RTN3: variants seen among roughly 807,000 people sequenced by gnomAD.
RTN3 encodes reticulon-3.
A neutral mutation model predicts 77.8 loss-of-function variants in RTN3; 49 were observed. That is an observed-to-expected ratio of 0.63 (90% confidence interval 0.50 to 0.80). The LOEUF (loss-of-function observed/expected upper bound fraction) is 0.80, where lower values mean the gene tolerates loss of function less well. RTN3 is among the 30% of genes least tolerant of loss of function. RTN3 has a pLI of 0.00. For synonymous variants in RTN3, 464 were observed against 446.9 expected, an observed-to-expected ratio of 1.04 and a Z score of -0.48; for missense variants, 1,236 against 1,211.9, an observed-to-expected ratio of 1.02 and a Z score of -0.29.
intron 3 of RTN3, among the ~76,000 whole-genome samples, chr11:63,736,804 C>T (rs554937847): frequency 5.3e-5 from 8 of 152,174 alleles, no homozygotes; most frequent in Admixed American, 5.2e-4. Flanking sequence ...GATCCTGGAA[C>T]GAATCTCATT....
intron 2 of RTN3, among the ~76,000 whole-genome samples, chr11:63,712,357 G>T (rs1357043818): frequency 6.6e-6 from 1 of 152,100 alleles, no homozygotes; most frequent in Non-Finnish European, 1.5e-5. Flanking sequence ...CTGTGAACAT[G>T]TATTAACTCA....
At chr11:63,727,816 A>G (rs192686929) in intron 3 of RTN3, among the ~76,000 whole-genome samples, 1 of 152,288 alleles carries the variant, frequency 6.6e-6, no homozygotes, top group Admixed American at 6.5e-5. Flanking sequence ...TCCTAGCAGG[A>G]GAGGAAAGTG....
intron 2 of RTN3, among the ~76,000 whole-genome samples, chr11:63,716,979 C>CAAAAAAAAAAAAA (rs6144367): frequency 3.4e-4 from 41 of 119,982 alleles, no homozygotes; most frequent in East Asian, 4.9e-4. Flanking sequence ...AAAAAAAAAA[C>CAAAAAAAAAAAAA]AAAAAAAAAA....
chr11:63,718,152 A>G (rs1465920571), intron 2 of RTN3, among the ~76,000 whole-genome samples: 1 of 152,116 alleles, frequency 6.6e-6, no homozygotes, highest in Admixed American at 6.6e-5. Flanking sequence ...CTCATTTTTC[A>G]GATTCAGGAA....
In RTN3 at chr11:63,719,657, G is replaced by A. The variant is rs764822833; in HGVS notation, c.1155G>A (p.Gln385=). The A allele has an allele frequency of 6.2e-7, 1 of 1,613,966 alleles. No individual in the cohort carries two copies. The highest frequency in any genetic ancestry group is 8.5e-7 in the Non-Finnish European group (1 of 1,179,994). Residue 385 remains glutamine (Q), a synonymous_variant, in exon 3 of 9, where the codon CAG becomes CAA. Transcript: ENST00000377819. ...PVVNLKTSTH[Q]KTPVCSIDGS... ...TAAATCTTAAAACTAGCACTCATCA[G>A]AAAACTCCTGTATGTTCTATTGATG...
intron 3 of RTN3, among the ~76,000 whole-genome samples, chr11:63,736,413 C>T (rs61928214): frequency 0.11 from 16,654 of 152,190 alleles, 1,032 homozygotes; most frequent in South Asian, 0.16. Flanking sequence ...AAAGGCCAGG[C>T]GTGGTGGCTC....
Position 63,720,060 on chromosome 11 carries a change from C to G in RTN3, c.1558C>G (p.Gln520Glu). The change falls in exon 3 of 9, where the codon CAG becomes GAG. Residue 520 changes from glutamine (Q) to glutamate (E), a missense_variant. Transcript: ENST00000377819. ...TACATCATTTGAAAATAACAAAATT[C>G]AGGCTGAAAAACCTGTTTCCATTCC... Reference protein sequence around the residue: ...ADTSFENNKIQAEKPVSIPSA... With the variant: ...ADTSFENNKIEAEKPVSIPSA... The G allele has an allele frequency of 6.2e-7, 1 of 1,614,030 alleles. No homozygotes were observed. Among genetic ancestry groups the G allele is most frequent in the East Asian group, 2.2e-5 (1 of 44,880 alleles).
At chr11:63,752,691 G>A in intron 5 of RTN3, 46 bp downstream of exon 5, 2 of 1,595,904 alleles carry the variant, frequency 1.3e-6, no homozygotes, top group Non-Finnish European at 1.7e-6. Context: ...AAAAAGCAGG[G>A]ACTGGGTTAT....
intron 3 of RTN3, among the ~76,000 whole-genome samples, chr11:63,747,717 A>G (rs1195401889): frequency 6.6e-6 from 1 of 152,210 alleles, no homozygotes; most frequent in African/African-American, 2.4e-5. Flanking sequence ...AATCACACCC[A>G]GTTCATTTTA....
At chr11:63,729,510 T>C (rs1445368236) in intron 3 of RTN3, among the ~76,000 whole-genome samples, 1 of 141,896 alleles carries the variant, frequency 7.0e-6, no homozygotes, top group Admixed American at 7.7e-5. Context: ...CAGTCTGGAG[T>C]GCAGTGGTGC....
chr11:63,748,005 TAGAC>T (rs1449675839), intron 3 of RTN3, among the ~76,000 whole-genome samples: 1 of 151,960 alleles, frequency 6.6e-6, no homozygotes, highest in East Asian at 1.9e-4. Context: ...TTAGCCTTCA[TAGAC>T]AGAAATACAA....
At chr11:63,712,325 AT>A (rs1180783406) in intron 2 of RTN3, among the ~76,000 whole-genome samples, 1 of 152,056 alleles carries the variant, frequency 6.6e-6, no homozygotes, top group Admixed American at 6.6e-5. Context: ...TTTATTGGGG[AT>A]TTACTAAGTG....
In RTN3 at chr11:63,750,197, A is replaced by G; in HGVS notation, c.2737A>G (p.Lys913Glu). 1 of 1,608,950 alleles carries G rather than the reference A, an allele frequency of 6.2e-7. No homozygotes were observed. Among genetic ancestry groups the G allele is most frequent in the Non-Finnish European group, 8.5e-7 (1 of 1,176,768 alleles). Residue 913 changes from lysine (K) to glutamate (E), a missense_variant and splice_region_variant, in exon 4 of 9, where the codon AAA becomes GAA. Lys to Glu is a moderately conservative substitution (Grantham distance 56, BLOSUM62 1). Transcript: ENST00000377819. Reference sequence around the variant, plus strand: ...GAAGTCAGAAGAAGGCCATCCATTCAAGTGAGTTGAAGTCTTAAAAGCAAC... The same window carrying G: ...GAAGTCAGAAGAAGGCCATCCATTCGAGTGAGTTGAAGTCTTAAAAGCAAC... ...VQKSEEGHPF[K>E]AYLDVDITLS...
chr11:63,681,692 G>T lies in RTN3; in HGVS notation c.56G>T (p.Gly19Val). ...QSHSISSSSF[G>V]AEPSAPGGGG... The stretch of plus-strand genomic sequence containing the variant: ...CATTCCATCTCCTCGTCGTCCTTCG[G>T]AGCCGAGCCGTCCGCGCCCGGCGGC... The change falls in exon 1 of 9, where the codon GGA becomes GTA. Residue 19 changes from glycine to valine, a missense_variant. Gly to Val is a moderately radical substitution (Grantham distance 109, BLOSUM62 -3). Around this residue, in one of 3 missense-constraint regions of RTN3, gnomAD observed 1,056 missense variants for 990.4 expected, o/e 1.07. Transcript: ENST00000377819. 6.2e-7 allele frequency: 1 copy of T among 1,611,496 alleles called. No individual in the cohort carries two copies.
chr11:63,756,819 C>T (rs569762366), intron 8 of RTN3, among the ~76,000 whole-genome samples: 35 of 152,228 alleles, frequency 2.3e-4, no homozygotes, highest in Middle Eastern at 6.8e-3. Context: ...AGGCCAAGGC[C>T]GGTGGATCAC....
chr11:63,695,818 G>A (rs768252122), intron 1 of RTN3, among the ~76,000 whole-genome samples: 2 of 152,132 alleles, frequency 1.3e-5, no homozygotes, highest in Non-Finnish European at 2.9e-5. Flanking sequence ...ATGTGATATG[G>A]TATCCTGGAT....
At chr11:63,734,132 T>C (rs1314792126) in intron 3 of RTN3, among the ~76,000 whole-genome samples, 4 of 152,192 alleles carry the variant, frequency 2.6e-5, no homozygotes, top group Non-Finnish European at 5.9e-5. Flanking sequence ...ACTGAAATGC[T>C]GAACACTTTC....
rs369587456 is a variant in RTN3, at chr11:63,727,572, G to A, written c.2530+6540G>A. Among the ~76,000 whole-genome samples, 8 of 152,236 alleles carry A rather than the reference G, an allele frequency of 5.3e-5. No homozygotes were observed. In the East Asian group the frequency reaches 1.5e-3, roughly 29 times the overall value. ...TTAACAGCAAAATGGAGATGACAGG[G>A]GAAGAAGCTGGTGAACTTGATAGCA... On this transcript the variant is annotated intron_variant, in intron 3 of 8. Coordinates refer to ENST00000377819, the MANE Select transcript of RTN3 (RefSeq NM_001265589.2).
intron 1 of RTN3, among the ~76,000 whole-genome samples, chr11:63,690,735 T>C (rs1941610522): frequency 6.6e-6 from 1 of 152,222 alleles, no homozygotes; most frequent in Admixed American, 6.5e-5. Context: ...TCACCAGATA[T>C]TTTCCACATT....
Sources: gnomAD v4.1 joint callset for allele counts (sites outside exome capture counted in the v4.1 genomes callset) on GRCh38, gnomAD v4.1.1 for gene constraint, gnomAD v4.1.1 regional missense constraint, MANE v1.5 for transcripts, NCBI Gene and HGNC (gene_info 2026-07-23, HGNC 2026-07-21) for gene names.